GPC5: variants seen among roughly 807,000 people sequenced by gnomAD.
The protein encoded by GPC5 is glypican 5, also known as glypican-5.
In GPC5, 47 loss-of-function variants were observed where a neutral mutation model predicts 53.9. That is an observed-to-expected ratio of 0.87 (90% CI 0.69 to 1.11). The LOEUF is 1.11. Among genes scored for constraint, GPC5 ranks in the 50% most tolerant of loss-of-function variants. The pLI is 0.00. For missense variants in GPC5, 748 were observed against 713.1 expected (o/e 1.05, Z -0.56); for synonymous variants, 286 against 263.3 (o/e 1.09, Z -0.84).
intron 2 of GPC5, among the ~76,000 whole-genome samples, chr13:91,527,330 T>A (rs1886133129): frequency 6.6e-6 from 1 of 152,192 alleles, no homozygotes; most frequent in African/African-American, 2.4e-5. Context: ...GCCATAGGCC[T>A]TATGCAAGTC....
At chr13:91,814,210 G>A (rs557491757) in intron 5 of GPC5, among the ~76,000 whole-genome samples, 37 of 152,122 alleles carry the variant, frequency 2.4e-4, no homozygotes, top group African/African-American at 8.9e-4. Context: ...GGAATTACAG[G>A]CATGAGCCAC....
chr13:92,093,849 T>A lies in GPC5; in HGVS notation c.1402-50981T>A, dbSNP rs143417974. ...TTTAAAAGATTAAAATAACAAAAAT[T>A]GGTTTGAAATTAATTTCAGCTATTG... is the stretch of plus-strand genomic sequence containing the variant. On this transcript the variant is annotated intron_variant, in intron 6 of 7. Coordinates refer to ENST00000377067, the MANE Select transcript of GPC5 (RefSeq NM_004466.6). Among the ~76,000 whole-genome samples, 482 of 152,288 alleles carry A rather than the reference T, an allele frequency of 3.2e-3. 5 individuals are homozygous for A. Among genetic ancestry groups the A allele is most frequent in the African/African-American group, 0.01 (418 of 41,556 alleles).
chr13:92,670,781 T>A (rs1886720737), intron 7 of GPC5, among the ~76,000 whole-genome samples: 1 of 152,234 alleles, frequency 6.6e-6, no homozygotes, highest in Admixed American at 6.5e-5. Context: ...CTTTTTCTTT[T>A]TCTAAGGATA....
intron 7 of GPC5, among the ~76,000 whole-genome samples, chr13:92,792,926 A>G (rs1214615606): frequency 1.3e-5 from 2 of 152,112 alleles, no homozygotes; most frequent in African/African-American, 4.8e-5. Context: ...ACTCCCACAC[A>G]ATAATAATGG....
At chr13:91,634,947 G>C (rs2034250359) in intron 2 of GPC5, among the ~76,000 whole-genome samples, 1 of 152,010 alleles carries the variant, frequency 6.6e-6, no homozygotes, top group African/African-American at 2.4e-5. Flanking sequence ...TTAACTACTT[G>C]TTCTCCCTCA....
intron 6 of GPC5, among the ~76,000 whole-genome samples, chr13:92,122,309 GC>G (rs1315579297): frequency 6.7e-6 from 1 of 150,204 alleles, no homozygotes. Flanking sequence ...TAATCTGCTG[GC>G]CCTTTTGCTT....
At chr13:92,757,752 C>A (rs1176920537) in intron 7 of GPC5, among the ~76,000 whole-genome samples, 1 of 152,218 alleles carries the variant, frequency 6.6e-6, no homozygotes, top group African/African-American at 2.4e-5. Flanking sequence ...CACTGGCCAT[C>A]AGAGAAACGC....
intron 7 of GPC5, among the ~76,000 whole-genome samples, chr13:92,718,735 T>C (rs1888410415): frequency 6.6e-6 from 1 of 151,972 alleles, no homozygotes; most frequent in African/African-American, 2.4e-5. Context: ...TAGCCGGGCA[T>C]GATTGCAGGT....
chr13:91,700,149 G>T (rs1016062249), intron 3 of GPC5, among the ~76,000 whole-genome samples: 4 of 152,056 alleles, frequency 2.6e-5, no homozygotes, highest in African/African-American at 9.7e-5. Context: ...GCATGTGTGG[G>T]CTGTGCTAGT....
intron 7 of GPC5, among the ~76,000 whole-genome samples, chr13:92,621,445 C>T (rs113848571): frequency 0.027 from 4,136 of 152,176 alleles, 198 homozygotes; most frequent in African/African-American, 0.095. Flanking sequence ...ATTTTTTCTG[C>T]GAGGCCAACA....
At chr13:92,035,573 T>C (rs2040886134) in intron 6 of GPC5, among the ~76,000 whole-genome samples, 1 of 152,084 alleles carries the variant, frequency 6.6e-6, no homozygotes, top group Admixed American at 6.5e-5. Context: ...GTACATTTTG[T>C]ATAAATCATC....
chr13:91,476,350 A>G (rs1882927345), intron 2 of GPC5, among the ~76,000 whole-genome samples: 1 of 152,194 alleles, frequency 6.6e-6, no homozygotes, highest in Non-Finnish European at 1.5e-5. Flanking sequence ...TAGTGGAGAA[A>G]ATGAGACTCA....
At chr13:91,442,208 A>G (rs1004448643) in intron 1 of GPC5, among the ~76,000 whole-genome samples, 2 of 152,202 alleles carry the variant, frequency 1.3e-5, no homozygotes, top group African/African-American at 2.4e-5. Flanking sequence ...TTTTGTCAGT[A>G]TCTTGAAAGT....
chr13:92,780,740 A>G (rs1295221023), intron 7 of GPC5, among the ~76,000 whole-genome samples: 1 of 152,098 alleles, frequency 6.6e-6, no homozygotes, highest in African/African-American at 2.4e-5. Flanking sequence ...AACACCATCA[A>G]TATGATAGTA....
intron 7 of GPC5, among the ~76,000 whole-genome samples, chr13:92,777,616 TCAAAA>T (rs113482634): frequency 3.3e-5 from 5 of 152,040 alleles, no homozygotes; most frequent in African/African-American, 7.3e-5. Context: ...AGACTCCGTC[TCAAAA>T]CAAAACAAAA....
intron 4 of GPC5, among the ~76,000 whole-genome samples, chr13:91,746,061 C>A (rs2037043544): frequency 6.6e-6 from 1 of 152,142 alleles, no homozygotes; most frequent in Non-Finnish European, 1.5e-5. Flanking sequence ...AGATTCAGAA[C>A]AGCAAGAGAA....
chr13:92,769,154 GA>G (rs1875519719), intron 7 of GPC5, among the ~76,000 whole-genome samples: 1 of 152,130 alleles, frequency 6.6e-6, no homozygotes, highest in African/African-American at 2.4e-5. Flanking sequence ...CCCACTATGT[GA>G]ATATTGTATT....
At position 91,598,276 on chromosome 13, in the gene GPC5, C is replaced by T. The variant is rs187587602; in HGVS notation, c.326-94911C>T. On this transcript the variant is annotated intron_variant, in intron 2 of 7. Coordinates refer to ENST00000377067, the MANE Select transcript of GPC5 (RefSeq NM_004466.6). ...AAACTAGCTTGTAAAGTACCAGTGACGATGCACTTTTTATATTGTGTGGCA... is the reference window on the plus strand; with the variant it reads ...AAACTAGCTTGTAAAGTACCAGTGATGATGCACTTTTTATATTGTGTGGCA... 1.8e-4 allele frequency among the ~76,000 whole-genome samples: 27 copies of T among 151,868 alleles called. No individual in the cohort carries two copies. In the East Asian group the frequency reaches 4.1e-3, roughly 23 times the overall value.
At chr13:92,042,513 G>A (rs940892892) in intron 6 of GPC5, among the ~76,000 whole-genome samples, 3 of 152,072 alleles carry the variant, frequency 2.0e-5, no homozygotes, top group Admixed American at 2.0e-4. Flanking sequence ...AAAAATCTGA[G>A]CAGCAACATG....
Sources: gnomAD v4.1 joint callset for allele counts (sites outside exome capture counted in the v4.1 genomes callset) on GRCh38, gnomAD v4.1.1 for gene constraint, MANE v1.5 for transcripts, NCBI Gene and HGNC (gene_info 2026-07-23, HGNC 2026-07-21) for gene names.